AGBL4: variants seen among roughly 807,000 people sequenced by gnomAD.
AGBL4 encodes the protein cytosolic carboxypeptidase 6.
In AGBL4, 58 loss-of-function variants were observed where a neutral mutation model predicts 66.4. That is an observed-to-expected ratio of 0.87 (90% CI 0.71 to 1.09). The LOEUF is 1.09. AGBL4 is among the 50% of genes least tolerant of loss of function. The pLI, the probability that AGBL4 is intolerant of heterozygous loss-of-function variation, is 0.00. For synonymous variants in AGBL4, 234 were observed against 222.9 expected (o/e 1.05, Z -0.44); for missense variants, 579 against 631.0 (o/e 0.92, Z 0.88).
At chr1:48,776,346 C>A (rs1450811126) in intron 6 of AGBL4, among the ~76,000 whole-genome samples, 3 of 152,178 alleles carry the variant, frequency 2.0e-5, no homozygotes, top group Non-Finnish European at 2.9e-5. Flanking sequence ...AGGACAGACA[C>A]AGATGAAGAG....
At chr1:49,398,328 TC>T in intron 3 of AGBL4, among the ~76,000 whole-genome samples, 1 of 99,520 alleles carries the variant, frequency 1.0e-5, no homozygotes, top group East Asian at 2.2e-4. Flanking sequence ...TCTCCCTCTC[TC>T]TCTTTCTCTC....
intron 12 of AGBL4, among the ~76,000 whole-genome samples, chr1:48,538,703 A>G (rs573514851): frequency 6.6e-6 from 1 of 152,366 alleles, no homozygotes; most frequent in East Asian, 1.9e-4. Context: ...CAATGTACAC[A>G]AAGTACTCTG....
At chr1:48,685,448 C>G (rs575932450) in intron 6 of AGBL4, among the ~76,000 whole-genome samples, 3 of 152,152 alleles carry the variant, frequency 2.0e-5, no homozygotes, top group Admixed American at 6.5e-5. Flanking sequence ...GGAGTCATGA[C>G]CCCCCCATAG....
At chr1:48,696,357 C>T (rs930742028) in intron 6 of AGBL4, among the ~76,000 whole-genome samples, 1 of 152,130 alleles carries the variant, frequency 6.6e-6, no homozygotes, top group Non-Finnish European at 1.5e-5. Flanking sequence ...GGTGACCTTC[C>T]CAAGGTCACT....
chr1:49,160,246 G>A (rs764370481), intron 4 of AGBL4, among the ~76,000 whole-genome samples: 10 of 152,050 alleles, frequency 6.6e-5, no homozygotes, highest in Admixed American at 1.3e-4. Context: ...GGATGGGGTC[G>A]ATTGGACGTC....
intron 3 of AGBL4, among the ~76,000 whole-genome samples, chr1:49,564,518 G>A (rs559832193): frequency 7.7e-4 from 117 of 151,902 alleles, no homozygotes; most frequent in African/African-American, 9.9e-4. Flanking sequence ...CTTTCTTCTC[G>A]TTGGTTTCAA....
chr1:49,526,408 TA>T (rs1302525882), intron 3 of AGBL4, among the ~76,000 whole-genome samples: 1 of 152,076 alleles, frequency 6.6e-6, no homozygotes, highest in Admixed American at 6.5e-5. Flanking sequence ...TAGAAACTTC[TA>T]AACTGTGACC....
At chr1:48,560,159 G>A (rs76715125) in intron 11 of AGBL4, among the ~76,000 whole-genome samples, 7,010 of 152,144 alleles carry the variant, frequency 0.046, 533 homozygotes, top group East Asian at 0.21. Flanking sequence ...TAAGATTTAC[G>A]CAGGTGTTGC....
chr1:49,516,032 G>A (rs1182528801), intron 3 of AGBL4, among the ~76,000 whole-genome samples: 1 of 148,326 alleles, frequency 6.7e-6, no homozygotes, highest in Non-Finnish European at 1.5e-5. Context: ...AAAACTTAAA[G>A]TATAATTTAA....
chr1:49,659,645 A>G (rs1052845709), intron 3 of AGBL4, among the ~76,000 whole-genome samples: 1 of 152,192 alleles, frequency 6.6e-6, no homozygotes, highest in Non-Finnish European at 1.5e-5. Context: ...AACTTCTTAG[A>G]GACCTACAAA....
chr1:48,529,529 AGGTTG>A (rs1377880136), downstream of AGBL4, among the ~76,000 whole-genome samples: 1 of 152,154 alleles, frequency 6.6e-6, no homozygotes, highest in Non-Finnish European at 1.5e-5. Flanking sequence ...ATTCACACTC[AGGTTG>A]GCCTGACTTT....
intron 11 of AGBL4, among the ~76,000 whole-genome samples, chr1:48,564,817 A>G (rs1644450187): frequency 6.6e-6 from 1 of 152,188 alleles, no homozygotes; most frequent in Non-Finnish European, 1.5e-5. Context: ...CATACCCACC[A>G]TCTACAGGAC....
intron 3 of AGBL4, among the ~76,000 whole-genome samples, chr1:49,315,729 C>T (rs903814192): frequency 2.0e-5 from 3 of 151,958 alleles, no homozygotes; most frequent in African/African-American, 7.2e-5. Flanking sequence ...AAATGTACTC[C>T]TACCTATGAT....
chr1:49,213,583 C>T (rs768150637), intron 4 of AGBL4, among the ~76,000 whole-genome samples: 26 of 152,074 alleles, frequency 1.7e-4, no homozygotes, highest in Non-Finnish European at 3.1e-4. Context: ...CTTAGGCCTC[C>T]CCAGAAGCAG....
intron 3 of AGBL4, among the ~76,000 whole-genome samples, chr1:49,265,495 T>C (rs1483294100): frequency 6.6e-6 from 1 of 152,192 alleles, no homozygotes; most frequent in Non-Finnish European, 1.5e-5. Context: ...CGGAGCCATA[T>C]TCCCAGTTTT....
intron 5 of AGBL4, among the ~76,000 whole-genome samples, chr1:48,899,501 T>C (rs868456748): frequency 6.6e-6 from 1 of 152,260 alleles, no homozygotes; most frequent in Middle Eastern, 3.4e-3. Context: ...GCATAAATTG[T>C]TGCAAACAAA....
At chr1:49,159,056 C>T (rs1646490901) in intron 4 of AGBL4, among the ~76,000 whole-genome samples, 1 of 150,788 alleles carries the variant, frequency 6.6e-6, no homozygotes, top group Non-Finnish European at 1.5e-5. Flanking sequence ...GCATTTAGCC[C>T]ATTTCCATTT....
chr1:49,795,062 G>A (rs1644696822), intron 2 of AGBL4, among the ~76,000 whole-genome samples: 1 of 151,810 alleles, frequency 6.6e-6, no homozygotes, highest in Non-Finnish European at 1.5e-5. Context: ...ATAAAAAAGG[G>A]AAAATATGAT....
At chr1:49,822,292 T>C (rs567352146) in intron 2 of AGBL4, among the ~76,000 whole-genome samples, 30 of 151,748 alleles carry the variant, frequency 2.0e-4, no homozygotes, top group South Asian at 1.9e-3. Flanking sequence ...TTTCTTTCTT[T>C]TCTTTTTCTT....
Sources: gnomAD v4.1 joint callset for allele counts (sites outside exome capture counted in the v4.1 genomes callset) on GRCh38, gnomAD v4.1.1 for gene constraint, MANE v1.5 for transcripts, NCBI Gene and HGNC (gene_info 2026-07-23, HGNC 2026-07-21) for gene names.